The following PRDM5 variants were observed in gnomAD, a reference collection of about 807,000 sequenced individuals.
PRDM5 encodes the protein PR domain zinc finger protein 5.
A neutral mutation model predicts 81.2 loss-of-function variants in PRDM5; 56 were observed. The ratio of observed to expected loss-of-function variants is 0.69; its 90% CI spans 0.56 to 0.86. The LOEUF is 0.86. Ranked by LOEUF, PRDM5 falls within the 40% of genes least tolerant of loss-of-function variation. PRDM5 has a pLI of 0.00. For synonymous variants in PRDM5, 267 were observed against 256.4 expected (o/e 1.04, Z -0.39); for missense variants, 697 against 770.1 (o/e 0.91, Z 1.12).
chr4:120,720,060 AG>A (rs1486760530), intron 14 of PRDM5, among the ~76,000 whole-genome samples: 1 of 152,184 alleles, frequency 6.6e-6, no homozygotes, highest in East Asian at 1.9e-4. Context: ...GGTGAGCAGT[AG>A]ATTCCCAAAA....
rs145646490 is a variant in PRDM5 at position 120,844,301 on chromosome 4, G to A, written c.300+9117C>T. On this transcript the variant is annotated intron_variant, in intron 3 of 15. Transcript: ENST00000264808. ...GCTTACTATATCAGCACTTACAGGCGTACTTTGTTTACTTGCACTTTGCTT... is the reference window on the plus strand; with the variant it reads ...GCTTACTATATCAGCACTTACAGGCATACTTTGTTTACTTGCACTTTGCTT... 4.9e-3 allele frequency among the ~76,000 whole-genome samples: 750 copies of A among 152,232 alleles called. 8 individuals carry two copies. Among genetic ancestry groups the A allele is most frequent in the Middle Eastern group, 0.014 (4 of 294 alleles).
chr4:120,795,194 A>C (rs1751176112), intron 10 of PRDM5, among the ~76,000 whole-genome samples: 1 of 152,022 alleles, frequency 6.6e-6, no homozygotes, highest in African/African-American at 2.4e-5. Context: ...TGAGGGCAAA[A>C]CCCCTCCATA....
At chr4:120,853,320 AGGT>A in intron 3 of PRDM5, 95 bp downstream of exon 3, 2 of 1,538,814 alleles carry the variant, frequency 1.3e-6, no homozygotes, top group Non-Finnish European at 1.8e-6. Flanking sequence ...TATTTGAAGG[AGGT>A]CATTGGGAAA....
intron 14 of PRDM5, among the ~76,000 whole-genome samples, chr4:120,751,444 A>G (rs1442114737): frequency 6.6e-6 from 1 of 152,160 alleles, no homozygotes; most frequent in Non-Finnish European, 1.5e-5. Context: ...CAAATAGTCT[A>G]ACATGTGTAA....
At chr4:120,747,022 T>A (rs1743196582) in intron 14 of PRDM5, among the ~76,000 whole-genome samples, 1 of 147,196 alleles carries the variant, frequency 6.8e-6, no homozygotes, top group Non-Finnish European at 1.5e-5. Flanking sequence ...TAGCAAAGAC[T>A]TGGAACCAAC....
chr4:120,853,154 T>C (rs1021180830), intron 3 of PRDM5, among the ~76,000 whole-genome samples: 2 of 152,126 alleles, frequency 1.3e-5, no homozygotes, highest in African/African-American at 4.8e-5. Flanking sequence ...TAAAAGTACC[T>C]GAAAGCGAGA....
chr4:120,824,566 TA>T (rs1240327899), intron 3 of PRDM5, among the ~76,000 whole-genome samples: 1 of 152,230 alleles, frequency 6.6e-6, no homozygotes, highest in Non-Finnish European at 1.5e-5. Flanking sequence ...ACAACATATT[TA>T]TAGAATGAAT....
chr4:120,714,491 T>C lies in PRDM5; in HGVS notation c.1624-4078A>G, dbSNP rs140504207. On this transcript the variant is annotated intron_variant, in intron 14 of 15. Transcript: ENST00000264808. ...ATTTTTAACCTTTAGAAGTTTTATT[T>C]GCTTATTTCCCAATTCCATTTTTGA... 3.9e-5 allele frequency among the ~76,000 whole-genome samples: 6 copies of C among 152,332 alleles called. No individual in the cohort carries two copies. In the East Asian group the frequency reaches 1.2e-3, roughly 29 times the overall value.
chr4:120,902,315 G>A (rs1449245236), intron 2 of PRDM5, among the ~76,000 whole-genome samples: 1 of 152,206 alleles, frequency 6.6e-6, no homozygotes, highest in Non-Finnish European at 1.5e-5. Context: ...TGGAGAAAAC[G>A]TACTTGAATT....
rs779132191 is a variant in PRDM5 at position 120,922,597 on chromosome 4, C to A, written c.12G>T (p.Met4Ile). The A allele has an allele frequency of 5.6e-6, 9 of 1,607,374 alleles. No homozygotes were observed. The highest frequency in any genetic ancestry group is 3.4e-5 in the Admixed American group (2 of 59,510). MLG[M>I]YVPDRFSLKS... ...TCAGGGAGAACCTGTCCGGCACGTA[C>A]ATGCCCAGCATTTTCCCGGGCGCGG... The change falls in exon 1 of 16, where the codon ATG (methionine) becomes ATT (isoleucine). Residue 4 changes from methionine (M) to isoleucine (I), a missense_variant. By Grantham distance (10) the Met-to-Ile change is conservative. This residue lies in a region of PRDM5 where 577 missense variants were observed against 606.7 expected (regional missense o/e 0.95). Transcript: ENST00000264808.
chr4:120,904,197 AAAAAAAAAC>A lies in PRDM5; in HGVS notation c.177+3268_177+3276del, dbSNP rs902519556. ...AGAGGGAGACTCCTTCTCAAAAAAA[AAAAAAAAAC>A]AAAAAAACCTCCTTCCTTTATAAAT... On this transcript the variant is annotated intron_variant, in intron 2 of 15. Coordinates refer to ENST00000264808, the MANE Select transcript of PRDM5 (RefSeq NM_018699.4). Among the ~76,000 whole-genome samples the A allele has an allele frequency of 9.6e-5, 14 of 145,396 alleles. 1 individual carries two copies. The highest frequency in any genetic ancestry group is 8.8e-4 in the South Asian group (4 of 4,536).
In PRDM5 at chr4:120,892,105, T is replaced by C. The variant is rs553644570; in HGVS notation, c.177+15369A>G. On this transcript the variant is annotated intron_variant, in intron 2 of 15. Coordinates refer to ENST00000264808, the MANE Select transcript of PRDM5 (RefSeq NM_018699.4). The stretch of plus-strand genomic sequence containing the variant: ...AGGAGCAAGTTGTTTAATTTCCATA[T>C]AGTTGTGTGGCTTTGAGTGATTTTG... Among the ~76,000 whole-genome samples, 21 of 151,364 alleles carry C rather than the reference T, an allele frequency of 1.4e-4. 1 individual carries two copies. In the East Asian group the frequency reaches 1.6e-3, roughly 11 times the overall value.
At chr4:120,892,577 C>A (rs533602903) in intron 2 of PRDM5, among the ~76,000 whole-genome samples, 154 of 152,310 alleles carry the variant, frequency 1.0e-3, no homozygotes, top group Non-Finnish European at 1.8e-3. Flanking sequence ...CAGGTCAGCC[C>A]TACTCTGCTG....
chr4:120,697,345 T>A (rs1219867870), intron 15 of PRDM5, among the ~76,000 whole-genome samples: 1 of 152,114 alleles, frequency 6.6e-6, no homozygotes, highest in Admixed American at 6.6e-5. Flanking sequence ...ACCAGGAGTA[T>A]CACTTGTATG....
chr4:120,781,236 A>AC lies in PRDM5; in HGVS notation c.1349_1350insG (p.His450GlnfsTer7), dbSNP rs1748992340. On this transcript the variant is annotated frameshift_variant, in exon 12 of 16. Coordinates refer to ENST00000264808, the MANE Select transcript of PRDM5 (RefSeq NM_018699.4). LOFTEE classifies it high-confidence loss of function. Reference sequence around the variant, plus strand: ...TGTGTCTTTCATGAACCACCTGGACATGAACATTTAATGTATCCTTCCTCT... The same window carrying AC: ...TGTGTCTTTCATGAACCACCTGGACACTGAACATTTAATGTATCCTTCCTCT... The AC allele has an allele frequency of 5.6e-6, 9 of 1,613,116 alleles. No individual in the cohort carries two copies. The highest frequency in any genetic ancestry group is 8.5e-7 in the Non-Finnish European group (1 of 1,179,242).
intron 1 of PRDM5, among the ~76,000 whole-genome samples, chr4:120,912,117 G>A (rs1766581643): frequency 6.6e-6 from 1 of 152,020 alleles, no homozygotes. Context: ...AATTCTCCAT[G>A]GATACTAAAA....
intron 14 of PRDM5, among the ~76,000 whole-genome samples, chr4:120,719,615 G>A (rs843568): frequency 0.5 from 76,298 of 151,828 alleles, 20,117 homozygotes; most frequent in East Asian, 0.75. Context: ...AGATGTCTAC[G>A]TCATAATTAC....
intron 2 of PRDM5, among the ~76,000 whole-genome samples, chr4:120,866,021 C>T (rs531748060): frequency 6.6e-6 from 1 of 152,288 alleles, no homozygotes; most frequent in African/African-American, 2.4e-5. Flanking sequence ...TTTTCTATAT[C>T]AACTCAAAAT....
chr4:120,789,691 G>A (rs1750294985), intron 10 of PRDM5, among the ~76,000 whole-genome samples: 1 of 152,106 alleles, frequency 6.6e-6, no homozygotes, highest in South Asian at 2.1e-4. Context: ...ATGTTTACAA[G>A]GTCTGTGGAT....
Sources: gnomAD v4.1 joint callset for allele counts (sites outside exome capture counted in the v4.1 genomes callset) on GRCh38, gnomAD v4.1.1 for gene constraint, gnomAD v4.1.1 regional missense constraint, MANE v1.5 for transcripts, NCBI Gene and HGNC (gene_info 2026-07-23, HGNC 2026-07-21) for gene names.